The following PLXNB1 variants were observed in gnomAD, a reference collection of about 807,000 sequenced individuals.
PLXNB1 encodes the protein plexin-B1.
A neutral mutation model predicts 209.4 loss-of-function variants in PLXNB1; 106 were observed. The observed-to-expected ratio is 0.51, with a 90% confidence interval of 0.43 to 0.59. The LOEUF is 0.59. Among genes scored for constraint, PLXNB1 ranks in the 20% least tolerant of loss-of-function variants. PLXNB1 has a pLI of 0.00. For missense variants in PLXNB1, 2,357 were observed against 2,853.2 expected (o/e 0.83, Z 3.96); for synonymous variants, 1,167 against 1,183.2 (o/e 0.99, Z 0.28).
At chr3:48,428,888 G>C (rs2039036631) in intron 1 of PLXNB1, among the ~76,000 whole-genome samples, 1 of 150,642 alleles carries the variant, frequency 6.6e-6, no homozygotes, top group Non-Finnish European at 1.5e-5. Flanking sequence ...AGAAAGGGCT[G>C]TTACTACTGA....
intron 1 of PLXNB1, among the ~76,000 whole-genome samples, chr3:48,427,281 G>A (rs371636602): frequency 3.3e-5 from 5 of 152,048 alleles, no homozygotes; most frequent in African/African-American, 9.7e-5. Context: ...GAGGTCGGCC[G>A]CTGACCCACT....
Position 48,415,923 on chromosome 3 carries a change from A to G in PLXNB1, c.3617+108T>C. The G allele has an allele frequency of 7.1e-7, 1 of 1,399,204 alleles. No homozygotes were observed. Among genetic ancestry groups the G allele is most frequent in the Non-Finnish European group, 9.7e-7 (1 of 1,030,586 alleles). 86.7% of individuals were successfully genotyped at this position (1,399,204 alleles called of 1,614,324 possible). On this transcript the variant is annotated intron_variant, in intron 18 of 37. Transcript: ENST00000296440. This position sits in a 1 kb window ranked among gnomAD's most constrained non-coding sequence, Gnocchi z 5.0. ...TAGGGAGGGTCTGGCCACTCTCTGA[A>G]GGAGCAGACTGGCCCTCTTCCCCTT...
Position 48,409,305 on chromosome 3 carries a change from C to T in PLXNB1, c.6087+24G>A, listed in dbSNP as rs568285690. 3.0e-5 allele frequency: 49 copies of T among 1,613,118 alleles called. No individual in the cohort carries two copies. The Admixed American group carries it at 4.7e-4, about 15-fold the overall frequency. ...CACTGTCCACCCTCACCCATCCCCC[C>T]GTGTCCATCCCAGACTCGCTCACCC... On this transcript the variant is annotated intron_variant, in intron 34 of 37. Transcript: ENST00000296440. This position sits in a 1 kb window ranked among gnomAD's most constrained non-coding sequence, Gnocchi z 5.8.
chr3:48,419,435 A>G lies in PLXNB1; in HGVS notation c.2710-69T>C. On this transcript the variant is annotated intron_variant, in intron 11 of 37. Coordinates refer to ENST00000296440, the MANE Select transcript of PLXNB1 (RefSeq NM_001130082.3). This position sits in a 1 kb window ranked among gnomAD's most constrained non-coding sequence, Gnocchi z 5.7. ...CCAGCTCAGCCCTCTGCCTTGCCAG[A>G]TTCCAGAGGCAAGGCCGGTGTGGGG... 9 of 1,512,410 alleles carry G rather than the reference A, an allele frequency of 6.0e-6. No individual in the cohort carries two copies. Among genetic ancestry groups the G allele is most frequent in the Non-Finnish European group, 8.0e-6 (9 of 1,126,922 alleles). 93.7% of individuals were successfully genotyped at this position (1,512,410 alleles called of 1,614,324 possible). A position where few individuals can be genotyped will look rare whatever the true frequency, so the allele number is the denominator to read the frequency against.
rs1363049118 is a variant in PLXNB1, at chr3:48,411,607, C to G, written c.5247+256G>C. On this transcript the variant is annotated intron_variant, in intron 28 of 37. Coordinates refer to ENST00000296440, the MANE Select transcript of PLXNB1 (RefSeq NM_001130082.3). The surrounding 1 kb of genome is among the most constrained non-coding windows in gnomAD (Gnocchi z 4.0). The stretch of plus-strand genomic sequence containing the variant: ...GGTCTAAGGTAGGGCTGGCTTCTCC[C>G]AAACCCTGGTTGTGGCTACCCTAGT... Among the ~76,000 whole-genome samples the G allele has an allele frequency of 6.6e-6, 1 of 152,210 alleles. No homozygotes were observed. The highest frequency in any genetic ancestry group is 2.4e-5 in the African/African-American group (1 of 41,452).
At position 48,410,698 on chromosome 3, in the gene PLXNB1, A is replaced by AC; in HGVS notation, c.5417-141dup. ...ACCTCTCCAAAGACCAAGAGCAGGG[A>AC]CCCCCTCCCCAGATGAGAGGCTGTC... is the stretch of plus-strand genomic sequence containing the variant. On this transcript the variant is annotated intron_variant, in intron 29 of 37. Coordinates refer to ENST00000296440, the MANE Select transcript of PLXNB1 (RefSeq NM_001130082.3). This position sits in a 1 kb window ranked among gnomAD's most constrained non-coding sequence, Gnocchi z 6.4. The AC allele has an allele frequency of 1.1e-6, 1 of 933,658 alleles. No individual in the cohort carries two copies. The highest frequency in any genetic ancestry group is 1.6e-6 in the Non-Finnish European group (1 of 613,332). 57.8% of individuals were successfully genotyped at this position (933,658 alleles called of 1,614,324 possible). A position where few individuals can be genotyped will look rare whatever the true frequency, so the allele number is the denominator to read the frequency against.
Position 48,413,618 on chromosome 3 carries a change from C to A in PLXNB1, c.4535+52G>T. The stretch of plus-strand genomic sequence containing the variant: ...CTGGCCCGGTCTGTCCCTTCCCAGT[C>A]CAGCCAGATCCCACGACCTGCCCCA... On this transcript the variant is annotated intron_variant, in intron 23 of 37. Transcript: ENST00000296440. This position sits in a 1 kb window ranked among gnomAD's most constrained non-coding sequence, Gnocchi z 5.4. 1 of 1,547,470 alleles carries A rather than the reference C, an allele frequency of 6.5e-7. No individual in the cohort carries two copies. Among genetic ancestry groups the A allele is most frequent in the Non-Finnish European group, 8.8e-7 (1 of 1,139,534 alleles).
chr3:48,422,494 T>C, intron 4 of PLXNB1, 35 bp from the exon 5 acceptor site: 1 of 1,539,746 alleles, frequency 6.5e-7, no homozygotes, highest in East Asian at 2.4e-5. Context: ...GGGACCCAAG[T>C]CCATGGCCAG....
chr3:48,414,808 G>A lies in PLXNB1; in HGVS notation c.4200C>T (p.Phe1400=), dbSNP rs372775393. The A allele has an allele frequency of 6.2e-6, 10 of 1,613,532 alleles. No homozygotes were observed. The highest frequency in any genetic ancestry group is 2.7e-5 in the African/African-American group (2 of 74,952). The change falls in exon 21 of 38, where the codon TTC becomes TTT. Residue 1400 remains phenylalanine (F), a synonymous_variant. Transcript: ENST00000296440. ...MPFRHKPGSV[F]SVEGENLDLA... ...CAAGTAGGAGCTGTACCTCCACGGAGAACACACTCCCAGGCTTGTGCCGGA... is the reference window on the plus strand; with the variant it reads ...CAAGTAGGAGCTGTACCTCCACGGAAAACACACTCCCAGGCTTGTGCCGGA...
At chr3:48,425,805 A>AACACACACAC (rs1166591503) in intron 1 of PLXNB1, among the ~76,000 whole-genome samples, 6 of 145,382 alleles carry the variant, frequency 4.1e-5, no homozygotes, top group East Asian at 2.1e-4. Context: ...ATATGCCTAC[A>AACACACACAC]ACACACACAC....
chr3:48,418,366 G>A lies in PLXNB1; in HGVS notation c.3050-3C>T, dbSNP rs1329007511. The A allele has an allele frequency of 1.9e-6, 3 of 1,613,556 alleles. No individual in the cohort carries two copies. Among genetic ancestry groups the A allele is most frequent in the Middle Eastern group, 1.6e-4 (1 of 6,084 alleles). ...CACGGAACAGTCATACAGTACCACT[G>A]GGGGTGGCAGAGACACACGTGAGAG... On this transcript the variant is annotated splice_polypyrimidine_tract_variant and splice_region_variant and intron_variant, in intron 14 of 37. Coordinates refer to ENST00000296440, the MANE Select transcript of PLXNB1 (RefSeq NM_001130082.3). The surrounding 1 kb of genome is among the most constrained non-coding windows in gnomAD (Gnocchi z 6.6).
At chr3:48,423,238 A>C (rs915147813) in intron 3 of PLXNB1, among the ~76,000 whole-genome samples, 1 of 151,684 alleles carries the variant, frequency 6.6e-6, no homozygotes, top group Non-Finnish European at 1.5e-5. Flanking sequence ...AGAACCCCCA[A>C]ACACCCTCCC....
Position 48,413,785 on chromosome 3 carries a change from G to GA in PLXNB1, c.4419dup (p.His1474SerfsTer5). ...GGGCTCTCGCCGTCATACTGCACGTGACCCAGGGAGAAGCGCAAGTTCCCC... is the reference window on the plus strand; with the variant it reads ...GGGCTCTCGCCGTCATACTGCACGTGAACCCAGGGAGAAGCGCAAGTTCCCC... On this transcript the variant is annotated frameshift_variant, in exon 23 of 38. Transcript: ENST00000296440. LOFTEE classifies it high-confidence loss of function. The surrounding 1 kb of genome is among the most constrained non-coding windows in gnomAD (Gnocchi z 5.4). 1 of 1,613,770 alleles carries GA rather than the reference G, an allele frequency of 6.2e-7. No homozygotes were observed.
chr3:48,406,109 C>T lies in PLXNB1; in HGVS notation c.6229-311G>A, dbSNP rs909226939. 4 of 315,952 alleles carry T rather than the reference C, an allele frequency of 1.3e-5. No individual in the cohort carries two copies. The highest frequency in any genetic ancestry group is 2.2e-5 in the African/African-American group (1 of 46,444). The allele number at this position is 315,952 out of a possible 1,614,324, so 19.6% of individuals were successfully genotyped here. ...CTCTCACCCCCTTGAGGTTCTAGCC[C>T]AGACCCTCTGCCACCCAGATGACTC... On this transcript the variant is annotated intron_variant, in intron 36 of 37. Transcript: ENST00000296440. The surrounding 1 kb of genome is among the most constrained non-coding windows in gnomAD (Gnocchi z 4.4).
At chr3:48,423,005 C>G in intron 3 of PLXNB1, 58 bp from the exon 4 acceptor site, 1 of 1,495,852 alleles carries the variant, frequency 6.7e-7, no homozygotes, top group Non-Finnish European at 9.2e-7. Flanking sequence ...TCGGCCGCAT[C>G]GTCCCTGGAC....
In PLXNB1 at chr3:48,404,546, C is replaced by G. The variant is rs747973804; in HGVS notation, c.6348G>C (p.Gln2116His). The change falls in exon 38 of 38, where the codon CAG becomes CAC. Residue 2116 changes from glutamine (Q) to histidine (H), a missense_variant. By Grantham distance (24) the Gln-to-His change is conservative (BLOSUM62 0). Coordinates refer to ENST00000296440, the MANE Select transcript of PLXNB1 (RefSeq NM_001130082.3). Reference protein sequence around the residue: ...LEEDGTAQKMQLGYRLQQIAA... With the variant: ...LEEDGTAQKMHLGYRLQQIAA... ...CAATCTGCTGGAGCCGATAGCCCAG[C>G]TGCATCTTCTGGGCCGTGCCATCCT... The G allele has an allele frequency of 1.2e-6, 2 of 1,613,746 alleles. No individual in the cohort carries two copies. Among genetic ancestry groups the G allele is most frequent in the African/African-American group, 1.3e-5 (1 of 74,914 alleles).
rs771852295 is a variant in PLXNB1 at position 48,418,413 on chromosome 3, T to C, written c.3049+36A>G. ...AGAGGCAGGCCTGGGAGAGCCCTGC[T>C]ACCACCGCCAGCCCAGCAGCCCGCA... On this transcript the variant is annotated intron_variant, in intron 14 of 37. Coordinates refer to ENST00000296440, the MANE Select transcript of PLXNB1 (RefSeq NM_001130082.3). The surrounding 1 kb of genome is among the most constrained non-coding windows in gnomAD (Gnocchi z 6.6). The C allele has an allele frequency of 9.9e-6, 16 of 1,612,540 alleles. No homozygotes were observed. Among genetic ancestry groups the C allele is most frequent in the Non-Finnish European group, 1.0e-5 (12 of 1,179,548 alleles).
At chr3:48,414,727 G>A (rs1375384073) in intron 21 of PLXNB1, 72 bp downstream of exon 21, 37 of 1,552,204 alleles carry the variant, frequency 2.4e-5, no homozygotes, top group Middle Eastern at 2.2e-4. Flanking sequence ...CGGCCTCTCC[G>A]CCACACACAG....
chr3:48,414,638 C>A (rs563996209), intron 21 of PLXNB1, among the ~76,000 whole-genome samples, 161 bp downstream of exon 21: 1 of 152,188 alleles, frequency 6.6e-6, no homozygotes, highest in Non-Finnish European at 1.5e-5. Context: ...AGGCTAGGCA[C>A]CCCCCACCAG....
Sources: allele counts gnomAD v4.1 joint callset (sites outside exome capture counted in the v4.1 genomes callset), GRCh38; gene constraint gnomAD v4.1.1; non-coding constraint Gnocchi (gnomAD v3.1); transcripts MANE v1.5; gene names NCBI Gene and HGNC (gene_info 2026-07-23, HGNC 2026-07-21).